Variants in LAIR1 observed in about 807,000 individuals in gnomAD.
LAIR1 encodes leukocyte associated immunoglobulin like receptor 1.
LAIR1 carries 24 observed loss-of-function variants against 32.8 expected under a neutral mutation model. The ratio of observed to expected loss-of-function variants is 0.73; its 90% CI spans 0.53 to 1.03. LAIR1 has a LOEUF of 1.03. Ranked by LOEUF, LAIR1 falls within the 50% of genes least tolerant of loss-of-function variation. The probability of loss-of-function intolerance (pLI) is 0.00; values close to 1 mark genes in which losing one functional copy is unlikely to be tolerated. For synonymous variants in LAIR1, 150 were observed against 140.5 expected (o/e 1.07, Z -0.48); for missense variants, 355 against 347.5 (o/e 1.02, Z -0.17).
At chr19:54,366,237 T>A (rs1198519262), upstream of LAIR1, among the ~76,000 whole-genome samples, 2 of 152,162 alleles carry the variant, frequency 1.3e-5, no homozygotes, top group Non-Finnish European at 2.9e-5. Context: ...GACCTCATGT[T>A]ATTTGGAGGG....
upstream of LAIR1, among the ~76,000 whole-genome samples, chr19:54,372,614 G>A (rs2082435254): frequency 1.3e-5 from 2 of 148,952 alleles, no homozygotes; most frequent in African/African-American, 5.1e-5. Context: ...CCTCAGCCTC[G>A]TGAGTAACTG....
chr19:54,370,575 A>G (rs2082380138), upstream of LAIR1: 2 of 326,728 alleles, frequency 6.1e-6, no homozygotes, highest in Non-Finnish European at 1.1e-5. Context: ...GGAACGGAGC[A>G]AAACTGAAAA....
rs1358680442 is a variant in LAIR1 at position 54,351,650 on chromosome 19, C to T, written c.*3618G>A. The T allele has an allele frequency of 6.6e-6, 1 of 152,064 alleles. No individual in the cohort carries two copies. The highest frequency in any genetic ancestry group is 1.5e-5 in the Non-Finnish European group (1 of 68,012). The allele number at this position is 152,064 out of a possible 1,614,324, so 9.4% of individuals were successfully genotyped here. On this transcript the variant is annotated 3_prime_UTR_variant, in exon 10 of 10. Transcript: ENST00000391742. ...GTCTTAAGTAGTAGTTTCCATTGGA[C>T]AGCAGGTGTGTAAGCAGGAGCCAAG...
At chr19:54,357,207 T>G in intron 4 of LAIR1, 1 of 552,192 alleles carries the variant, frequency 1.8e-6, no homozygotes, top group Non-Finnish European at 3.2e-6. Context: ...TTGAATGGCA[T>G]GAGAAGCTGG....
rs1396019611 is a variant in LAIR1 at position 54,355,838 on chromosome 19, C to T, written c.717+116G>A. On this transcript the variant is annotated intron_variant, in intron 9 of 9. Transcript: ENST00000391742. This position sits in a 1 kb window ranked among gnomAD's most constrained non-coding sequence, Gnocchi z 4.7. ...CGACCTCTCGACAGCAACCTCAGGA[C>T]AGGCCGTGAGCCGGAACCGCCCAGC... The T allele has an allele frequency of 4.0e-6, 3 of 743,008 alleles. No individual in the cohort carries two copies. Among genetic ancestry groups the T allele is most frequent in the Non-Finnish European group, 7.2e-6 (3 of 417,930 alleles). 46.0% of individuals were successfully genotyped at this position (743,008 alleles called of 1,614,324 possible).
In LAIR1 at chr19:54,370,339, TC is replaced by T. The variant is rs2082374200; in HGVS notation, c.-63del. Reference sequence around the variant, plus strand: ...AGGACGATGATCATCTTCATAGGATTCCCGACCTGTGCCTGGCTTTGTCCTG... The same window carrying T: ...AGGACGATGATCATCTTCATAGGATTCCGACCTGTGCCTGGCTTTGTCCTG... On this transcript the variant is annotated 5_prime_UTR_variant, in exon 1 of 9. Coordinates refer to the LAIR1 transcript ENST00000391743. The T allele has an allele frequency of 2.1e-6, 3 of 1,450,656 alleles. No homozygotes were observed. In the East Asian group the frequency reaches 7.5e-5, roughly 36 times the overall value. The allele number at this position is 1,450,656 out of a possible 1,614,324, so 89.9% of individuals were successfully genotyped here.
At chr19:54,366,174 C>G (rs1019050921), upstream of LAIR1, among the ~76,000 whole-genome samples, 1 of 152,280 alleles carries the variant, frequency 6.6e-6, no homozygotes, top group African/African-American at 2.4e-5. Context: ...GCACCACATA[C>G]GACCCATCGT....
At chr19:54,359,393 T>C (rs1006721952) in intron 4 of LAIR1, among the ~76,000 whole-genome samples, 1 of 151,738 alleles carries the variant, frequency 6.6e-6, no homozygotes, top group Admixed American at 6.5e-5. Context: ...AAGGGAAGCC[T>C]CATGGCTTCA....
intron 4 of LAIR1, chr19:54,357,555 G>A (rs534994026): frequency 6.5e-6 from 1 of 153,900 alleles, no homozygotes; most frequent in Admixed American, 6.5e-5. Context: ...TGCAGCTAGC[G>A]GGCGAGTGTG....
upstream of LAIR1, among the ~76,000 whole-genome samples, chr19:54,367,617 G>A (rs1163240235): frequency 6.6e-6 from 1 of 150,906 alleles, no homozygotes; most frequent in Non-Finnish European, 1.5e-5. Context: ...GTGGTGGTGG[G>A]CGCCTGTAGT....
upstream of LAIR1, chr19:54,370,614 A>G (rs2082380712): frequency 3.8e-6 from 1 of 264,416 alleles, no homozygotes; most frequent in Non-Finnish European, 7.0e-6. Context: ...GCCAGGTGCC[A>G]GCATCACAGC....
chr19:54,373,232 G>T (rs1386803520), upstream of LAIR1, among the ~76,000 whole-genome samples: 1 of 151,246 alleles, frequency 6.6e-6, no homozygotes, highest in Admixed American at 6.6e-5. Flanking sequence ...CACGAGGTCA[G>T]GTGATCGAGA....
chr19:54,361,041 G>C lies in LAIR1; in HGVS notation c.239C>G (p.Ser80Cys), dbSNP rs745934212. Residue 80 changes from serine (S) to cysteine (C), a missense_variant, in exon 3 of 10, where the codon TCT becomes TGT. Coordinates refer to ENST00000391742, the MANE Select transcript of LAIR1 (RefSeq NM_002287.6). ...DTEDVSQASP[S>C]ESEARFRIDS... ...AATGCGGAATCTGGCCTCTGACTCA[G>C]ATGGACTAGCTTGAGACACATCTTC... 9 of 1,614,136 alleles carry C rather than the reference G, an allele frequency of 5.6e-6. No individual in the cohort carries two copies. Among genetic ancestry groups the C allele is most frequent in the Non-Finnish European group, 7.6e-6 (9 of 1,180,050 alleles).
rs2081745102 is a variant in LAIR1, at chr19:54,356,918, C to A, written c.454+10G>T. On this transcript the variant is annotated intron_variant, in intron 5 of 9. Transcript: ENST00000391742. ...CACCAGCTTCATGCTCCACGGCCCCCATCACTCACGCTCATTGTGACTGTT... is the reference window on the plus strand; with the variant it reads ...CACCAGCTTCATGCTCCACGGCCCCAATCACTCACGCTCATTGTGACTGTT... 8.7e-6 allele frequency: 14 copies of A among 1,613,906 alleles called. No individual in the cohort carries two copies. The highest frequency in any genetic ancestry group is 1.2e-5 in the Non-Finnish European group (14 of 1,179,922).
chr19:54,365,124 G>C, upstream of LAIR1: 1 of 1,143,264 alleles, frequency 8.7e-7, no homozygotes, highest in South Asian at 3.0e-5. Context: ...TAAAGGTCGG[G>C]CAACCAATTG....
At chr19:54,372,375 G>C (rs949492637), upstream of LAIR1, among the ~76,000 whole-genome samples, 3 of 151,234 alleles carry the variant, frequency 2.0e-5, no homozygotes, top group Non-Finnish European at 4.4e-5. Context: ...ACTGATAGAG[G>C]TGCAGAACAC....
chr19:54,363,237 G>A (rs2122545494), intron 2 of LAIR1, among the ~76,000 whole-genome samples: 1 of 152,004 alleles, frequency 6.6e-6, no homozygotes, highest in South Asian at 2.1e-4. Context: ...GGGTGATGCA[G>A]GAAAAGTCGA....
intron 2 of LAIR1, among the ~76,000 whole-genome samples, chr19:54,363,757 C>T (rs914940190): frequency 1.1e-4 from 17 of 152,088 alleles, no homozygotes; most frequent in Admixed American, 5.9e-4. Context: ...GTTGATCACC[C>T]GGAAGCAGAG....
At chr19:54,373,354 A>G (rs1312440657), upstream of LAIR1, among the ~76,000 whole-genome samples, 40 of 150,252 alleles carry the variant, frequency 2.7e-4, no homozygotes, top group Middle Eastern at 3.5e-3. Context: ...TGAGGCAGGA[A>G]AATGGCATGA....
Sources: allele counts gnomAD v4.1 joint callset (sites outside exome capture counted in the v4.1 genomes callset), GRCh38; gene constraint gnomAD v4.1.1; non-coding constraint Gnocchi (gnomAD v3.1); transcripts MANE v1.5; gene names NCBI Gene and HGNC (gene_info 2026-07-23, HGNC 2026-07-21).